WWOX: variants seen among roughly 807,000 people sequenced by gnomAD.
WWOX encodes WW domain-containing oxidoreductase.
WWOX carries 69 observed loss-of-function variants against 46.2 expected under a neutral mutation model. The ratio of observed to expected loss-of-function variants is 1.49; its 90% confidence interval spans 1.23 to 1.82. WWOX has a LOEUF of 1.82. WWOX is among the 40% of genes most tolerant of loss of function. The pLI is 0.00. For synonymous variants in WWOX, 359 were observed against 202.6 expected (o/e 1.77, Z -6.56); for missense variants, 919 against 542.6 (o/e 1.69, Z -6.89).
chr16:78,540,018 T>TCACA (rs764527946), intron 8 of WWOX, among the ~76,000 whole-genome samples: 4,074 of 102,272 alleles, frequency 0.04, 152 homozygotes, highest in Admixed American at 0.19. Flanking sequence ...TCTCTCTCTC[T>TCACA]CTCACACACA....
intron 5 of WWOX, among the ~76,000 whole-genome samples, chr16:78,342,167 C>G (rs2081027715): frequency 8.2e-6 from 1 of 121,476 alleles, no homozygotes; most frequent in South Asian, 2.5e-4. Context: ...AGGCTGAATG[C>G]TTTATCAGAA....
chr16:79,136,949 T>C (rs1412779893), intron 8 of WWOX, among the ~76,000 whole-genome samples: 4 of 152,228 alleles, frequency 2.6e-5, no homozygotes, highest in Non-Finnish European at 5.9e-5. Flanking sequence ...ATCCTCCCCC[T>C]ATCTTACAGA....
At chr16:78,939,536 A>G (rs575097567) in intron 8 of WWOX, among the ~76,000 whole-genome samples, 1 of 152,308 alleles carries the variant, frequency 6.6e-6, no homozygotes, top group African/African-American at 2.4e-5. Context: ...CAGGAGATTT[A>G]TTTTTGGCAA....
rs114950123 is a variant in WWOX at position 78,953,240 on chromosome 16, C to T, written c.1057-258368C>T. On this transcript the variant is annotated intron_variant, in intron 8 of 8. Coordinates refer to ENST00000566780, the MANE Select transcript of WWOX (RefSeq NM_016373.4). ...GACCTAGACTGAGCCAAAGATTCTCCTTGGTCTATATAGGATAATAGATTT... is the reference window on the plus strand; with the variant it reads ...GACCTAGACTGAGCCAAAGATTCTCTTTGGTCTATATAGGATAATAGATTT... Among the ~76,000 whole-genome samples, 436 of 151,492 alleles carry T rather than the reference C, an allele frequency of 2.9e-3. 4 individuals carry two copies. Among genetic ancestry groups the T allele is most frequent in the African/African-American group, 0.01 (426 of 41,244 alleles).
At chr16:78,851,632 A>C (rs12149540) in intron 8 of WWOX, among the ~76,000 whole-genome samples, 22,212 of 152,268 alleles carry the variant, frequency 0.15, 2,063 homozygotes, top group Non-Finnish European at 0.21. Context: ...GGACAGTGTC[A>C]GACACATAGA....
At position 78,783,838 on chromosome 16, in the gene WWOX, T is replaced by C. The variant is rs192700977; in HGVS notation, c.1056+351086T>C. 2.6e-3 allele frequency among the ~76,000 whole-genome samples: 367 copies of C among 143,060 alleles called. 2 individuals carry two copies. Among genetic ancestry groups the C allele is most frequent in the African/African-American group, 8.8e-3 (356 of 40,626 alleles). The allele number at this position is 143,060 out of a possible 152,430, so 93.9% of individuals were successfully genotyped here. A position where few individuals can be genotyped will look rare whatever the true frequency, so the allele number is the denominator to read the frequency against. On this transcript the variant is annotated intron_variant, in intron 8 of 8. Transcript: ENST00000566780. ...GATGGTGATAAGATGCTGATGGTGG[T>C]GATGATGATGGTGATATGACGCTGA...
rs377039378 is a variant in WWOX at position 79,175,320 on chromosome 16, A to C, written c.1057-36288A>C. Among the ~76,000 whole-genome samples, 18 of 152,326 alleles carry C rather than the reference A, an allele frequency of 1.2e-4. 3 individuals are homozygous for C. Among genetic ancestry groups the C allele is most frequent in the Admixed American group, 7.2e-4 (11 of 15,306 alleles). ...GAAAGCCTATATACTCTGGAGCTTA[A>C]AGACTGACCTTTTCACTTACTGTAA... is the stretch of plus-strand genomic sequence containing the variant. On this transcript the variant is annotated intron_variant, in intron 8 of 8. Transcript: ENST00000566780.
chr16:78,122,068 C>G (rs757460101), intron 4 of WWOX, among the ~76,000 whole-genome samples: 1 of 152,138 alleles, frequency 6.6e-6, no homozygotes, highest in Non-Finnish European at 1.5e-5. Context: ...AACTTTTATA[C>G]AGTACATTGT....
chr16:78,880,008 C>A (rs1278824313), intron 8 of WWOX, among the ~76,000 whole-genome samples: 1 of 152,020 alleles, frequency 6.6e-6, no homozygotes, highest in Non-Finnish European at 1.5e-5. Flanking sequence ...CGTTAGATGA[C>A]CAAGAATTTA....
chr16:79,017,548 C>G (rs1421519900), intron 8 of WWOX: 1 of 150,006 alleles, frequency 6.7e-6, no homozygotes, highest in Admixed American at 6.7e-5. Context: ...TCAGGCTTTG[C>G]AGGCCCTATG....
chr16:78,857,654 A>G (rs1309254099), intron 8 of WWOX, among the ~76,000 whole-genome samples: 3 of 152,176 alleles, frequency 2.0e-5, no homozygotes, highest in Admixed American at 6.5e-5. Flanking sequence ...TCATTTTCCT[A>G]TAAAATGCCT....
intron 8 of WWOX, among the ~76,000 whole-genome samples, chr16:78,724,006 A>G (rs532455224): frequency 9.5e-4 from 145 of 152,238 alleles, no homozygotes; most frequent in African/African-American, 3.4e-3. Context: ...GCTCAGCAGG[A>G]GCGGGAGAGG....
At chr16:79,023,362 G>C (rs75248845) in intron 8 of WWOX, among the ~76,000 whole-genome samples, 2 of 152,306 alleles carry the variant, frequency 1.3e-5, no homozygotes, top group Non-Finnish European at 2.9e-5. Flanking sequence ...TCTAGGGGGA[G>C]ATGAGGAATG....
chr16:79,012,605 ATGAG>A (rs2047333842), intron 8 of WWOX, among the ~76,000 whole-genome samples: 1 of 152,202 alleles, frequency 6.6e-6, no homozygotes, highest in Admixed American at 6.5e-5. Context: ...GGCTACTCTA[ATGAG>A]TGGTGCAGCT....
At chr16:78,360,976 A>T (rs2081398355) in intron 5 of WWOX, among the ~76,000 whole-genome samples, 1 of 152,000 alleles carries the variant, frequency 6.6e-6, no homozygotes, top group Non-Finnish European at 1.5e-5. Context: ...ATGCACCACC[A>T]TGCCTGGCTA....
At chr16:78,178,556 G>A (rs920791707) in intron 5 of WWOX, among the ~76,000 whole-genome samples, 2 of 152,138 alleles carry the variant, frequency 1.3e-5, no homozygotes, top group Non-Finnish European at 2.9e-5. Context: ...CCCGGAATTC[G>A]CATAGTGACA....
At chr16:78,599,913 G>T (rs1354043966) in intron 8 of WWOX, among the ~76,000 whole-genome samples, 4 of 152,110 alleles carry the variant, frequency 2.6e-5, no homozygotes, top group South Asian at 2.1e-4. Context: ...AAGATGCCGT[G>T]GGGGTGTATT....
intron 4 of WWOX, among the ~76,000 whole-genome samples, chr16:78,144,439 A>ATATATACG (rs1321276509): frequency 0.088 from 1,808 of 20,654 alleles, 396 homozygotes; most frequent in African/African-American, 0.24. Flanking sequence ...CTATATATAT[A>ATATATACG]TATATATACA....
At chr16:79,040,770 C>G (rs969359684) in intron 8 of WWOX, among the ~76,000 whole-genome samples, 2 of 152,078 alleles carry the variant, frequency 1.3e-5, no homozygotes, top group Non-Finnish European at 2.9e-5. Flanking sequence ...ACCTGACACT[C>G]TTAGACCTTC....
Sources: gnomAD v4.1 joint callset for allele counts (sites outside exome capture counted in the v4.1 genomes callset) on GRCh38, gnomAD v4.1.1 for gene constraint, MANE v1.5 for transcripts, NCBI Gene and HGNC (gene_info 2026-07-23, HGNC 2026-07-21) for gene names.